ITPKB: variants seen among roughly 807,000 people sequenced by gnomAD.
The protein encoded by ITPKB is IP3 3-kinase B.
In ITPKB, 13 loss-of-function variants were observed where a neutral mutation model predicts 69.4. That is an observed-to-expected ratio of 0.19 (90% CI 0.12 to 0.30). The LOEUF (loss-of-function observed/expected upper bound fraction) is 0.30, where lower values mean the gene tolerates loss of function less well. Ranked by LOEUF, ITPKB falls within the 10% of genes least tolerant of loss-of-function variation. ITPKB has a pLI of 1.00. For missense variants in ITPKB, 1,240 were observed against 1,250.5 expected (o/e 0.99, Z 0.13); for synonymous variants, 584 against 513.7 (o/e 1.14, Z -1.85).
intron 2 of ITPKB, among the ~76,000 whole-genome samples, chr1:226,708,560 A>G (rs752551438): frequency 1.2e-4 from 19 of 152,222 alleles, no homozygotes; most frequent in Non-Finnish European, 2.1e-4. Context: ...ATGAAGAGCC[A>G]TCCCCTTTTT....
chr1:226,648,190 C>A (rs1390574770), intron 3 of ITPKB, among the ~76,000 whole-genome samples: 1 of 152,224 alleles, frequency 6.6e-6, no homozygotes, highest in Non-Finnish European at 1.5e-5. Flanking sequence ...CCGCATCTTC[C>A]ACCAGCTGCA....
In ITPKB at chr1:226,738,575, C is replaced by G. The variant is rs538683969; in HGVS notation, c.-206+466G>C. Among the ~76,000 whole-genome samples the G allele has an allele frequency of 1.4e-4, 21 of 152,334 alleles. No homozygotes were observed. The highest frequency in any genetic ancestry group is 4.8e-4 in the African/African-American group (20 of 41,582). ...GACTGCCCCTGCGGGCTCCCGGACC[C>G]GCGCCCACTCGGAGGAACTTAGGGG... On this transcript the variant is annotated intron_variant, in intron 1 of 7. Coordinates refer to ENST00000429204, the MANE Select transcript of ITPKB (RefSeq NM_002221.4). The surrounding 1 kb of genome is among the most constrained non-coding windows in gnomAD (Gnocchi z 4.2).
chr1:226,727,143 A>G (rs1279054501), intron 2 of ITPKB, among the ~76,000 whole-genome samples: 2 of 152,194 alleles, frequency 1.3e-5, no homozygotes, highest in Non-Finnish European at 2.9e-5. Flanking sequence ...TAAATCTATC[A>G]TTCAGATAGC....
chr1:226,677,125 T>A (rs1053349043), intron 2 of ITPKB, among the ~76,000 whole-genome samples: 3 of 152,200 alleles, frequency 2.0e-5, no homozygotes, highest in Non-Finnish European at 4.4e-5. Context: ...GGCATCCCCA[T>A]CATCCTTCCA....
intron 2 of ITPKB, among the ~76,000 whole-genome samples, chr1:226,723,815 C>A (rs1657320412): frequency 6.6e-6 from 1 of 152,102 alleles, no homozygotes; most frequent in Admixed American, 6.5e-5. Flanking sequence ...CTCTTGCCGG[C>A]AGCTGAATAC....
At chr1:226,680,197 A>T (rs1391518719) in intron 2 of ITPKB, among the ~76,000 whole-genome samples, 2 of 152,106 alleles carry the variant, frequency 1.3e-5, no homozygotes, top group Non-Finnish European at 2.9e-5. Flanking sequence ...GCCCGCGACC[A>T]CGTGAGCACG....
intron 2 of ITPKB, among the ~76,000 whole-genome samples, chr1:226,725,385 G>T (rs1355244537): frequency 6.6e-6 from 1 of 152,228 alleles, no homozygotes; most frequent in Non-Finnish European, 1.5e-5. Context: ...GGAAAAGGAG[G>T]CAGTGGTTGC....
At chr1:226,676,217 A>G (rs556440862) in intron 2 of ITPKB, 13 of 152,350 alleles carry the variant, frequency 8.5e-5, no homozygotes, top group African/African-American at 3.1e-4. Context: ...ATACCACTAC[A>G]GCACGGTGCA....
intron 2 of ITPKB, among the ~76,000 whole-genome samples, chr1:226,694,521 C>A (rs1656431531): frequency 6.6e-6 from 1 of 152,200 alleles, no homozygotes; most frequent in Non-Finnish European, 1.5e-5. Flanking sequence ...GAGCACTTTG[C>A]AGTTTTATCA....
chr1:226,726,562 G>A (rs962512137), intron 2 of ITPKB, among the ~76,000 whole-genome samples: 6 of 152,052 alleles, frequency 3.9e-5, no homozygotes, highest in African/African-American at 1.5e-4. Flanking sequence ...TGTAGTCCCA[G>A]CTACTCGGGA....
chr1:226,648,920 C>G (rs1669116258), intron 2 of ITPKB, 149 bp from the exon 3 acceptor site: 1 of 651,812 alleles, frequency 1.5e-6, no homozygotes, highest in South Asian at 1.8e-5. Flanking sequence ...ACCACCATCA[C>G]CTATGCGGCA....
At chr1:226,705,422 G>T (rs576367085) in intron 2 of ITPKB, among the ~76,000 whole-genome samples, 1 of 152,018 alleles carries the variant, frequency 6.6e-6, no homozygotes, top group Non-Finnish European at 1.5e-5. Context: ...CCAGCTACTC[G>T]GGAGGCTGAA....
chr1:226,707,813 T>A, intron 2 of ITPKB: 1 of 1,129,866 alleles, frequency 8.9e-7, no homozygotes, highest in East Asian at 7.2e-5. Context: ...TGGCTCAGTC[T>A]TTCCAGAGAG....
chr1:226,648,034 G>T (rs897470504), intron 3 of ITPKB, among the ~76,000 whole-genome samples: 2 of 152,240 alleles, frequency 1.3e-5, no homozygotes, highest in African/African-American at 4.8e-5. Flanking sequence ...CCAGATGACA[G>T]TGCTTCCAGA....
chr1:226,662,928 A>G (rs765444041), intron 2 of ITPKB, among the ~76,000 whole-genome samples: 3 of 152,214 alleles, frequency 2.0e-5, no homozygotes, highest in Non-Finnish European at 4.4e-5. Context: ...GAATTCTGCT[A>G]TGAGTCACCC....
chr1:226,659,032 G>T (rs997666736), intron 2 of ITPKB, among the ~76,000 whole-genome samples: 2 of 152,198 alleles, frequency 1.3e-5, no homozygotes, highest in African/African-American at 4.8e-5. Context: ...GAAGGCTGGA[G>T]CTCCCAACCT....
chr1:226,656,790 C>T (rs1144834), intron 2 of ITPKB: 126,110 of 152,204 alleles, frequency 0.83, 52,995 homozygotes, highest in East Asian at 1. Context: ...CAAACCTCGG[C>T]GTACACTGGG....
At chr1:226,717,547 G>A (rs1657125124) in intron 2 of ITPKB, among the ~76,000 whole-genome samples, 1 of 152,164 alleles carries the variant, frequency 6.6e-6, no homozygotes. Flanking sequence ...GCGCCCAGAG[G>A]GAGGTGGCAA....
chr1:226,711,007 T>C (rs973168269), intron 2 of ITPKB, among the ~76,000 whole-genome samples: 1 of 152,240 alleles, frequency 6.6e-6, no homozygotes, highest in Admixed American at 6.5e-5. Flanking sequence ...CTTCTGAGCA[T>C]GCGGCCTGTG....
Sources: allele counts gnomAD v4.1 joint callset (sites outside exome capture counted in the v4.1 genomes callset), GRCh38; gene constraint gnomAD v4.1.1; non-coding constraint Gnocchi (gnomAD v3.1); transcripts MANE v1.5; gene names NCBI Gene and HGNC (gene_info 2026-07-23, HGNC 2026-07-21).